RALGAPA2: variants seen among roughly 807,000 people sequenced by gnomAD.
RALGAPA2 encodes the protein Ral GTPase activating protein catalytic subunit alpha 2, also known as ral GTPase-activating protein subunit alpha-2.
In RALGAPA2, 139 loss-of-function variants were observed where a neutral mutation model predicts 230.4. That is an observed-to-expected ratio of 0.60 (90% confidence interval 0.53 to 0.69). The LOEUF (loss-of-function observed/expected upper bound fraction) is 0.69, where lower values mean the gene tolerates loss of function less well. Among genes scored for constraint, RALGAPA2 ranks in the 30% least tolerant of loss-of-function variants. The pLI is 0.00. For synonymous variants in RALGAPA2, 847 were observed against 837.8 expected (o/e 1.01, Z -0.19); for missense variants, 2,163 against 2,276.0 (o/e 0.95, Z 1.01).
At chr20:20,417,624 C>A (rs1461342497) in intron 37 of RALGAPA2, among the ~76,000 whole-genome samples, 1 of 152,212 alleles carries the variant, frequency 6.6e-6, no homozygotes, top group Non-Finnish European at 1.5e-5. Context: ...GGAACTGGGA[C>A]ACAGACATAT....
At chr20:20,440,528 C>T (rs1032277135) in intron 37 of RALGAPA2, among the ~76,000 whole-genome samples, 8 of 152,310 alleles carry the variant, frequency 5.3e-5, no homozygotes, top group African/African-American at 1.4e-4. Context: ...ATCCTAATTG[C>T]GCAGACAGCA....
intron 1 of RALGAPA2, among the ~76,000 whole-genome samples, chr20:20,692,865 C>T (rs564914510): frequency 6.6e-6 from 1 of 152,300 alleles, no homozygotes; most frequent in Admixed American, 6.5e-5. Context: ...TGGGGCCTCC[C>T]TGCCTTGGGA....
rs1602690056 is a variant in RALGAPA2 at position 20,535,936 on chromosome 20, G to A, written c.3415-133C>T. The A allele has an allele frequency of 1.0e-5, 14 of 1,353,576 alleles. No homozygotes were observed. In the East Asian group the frequency reaches 3.9e-4, roughly 37 times the overall value. 83.8% of individuals were successfully genotyped at this position (1,353,576 alleles called of 1,614,324 possible). A position where few individuals can be genotyped will look rare whatever the true frequency, so the allele number is the denominator to read the frequency against. ...GCTCAGAGAGCTCATCTATGAGTGA[G>A]AGCCTGGGGGGAAGAAGAACACTGG... On this transcript the variant is annotated intron_variant, in intron 25 of 39. Coordinates refer to ENST00000202677, the MANE Select transcript of RALGAPA2 (RefSeq NM_020343.4).
At chr20:20,676,187 T>C (rs1377299435) in intron 3 of RALGAPA2, 49 bp downstream of exon 3, 8 of 1,239,320 alleles carry the variant, frequency 6.5e-6, no homozygotes, top group Non-Finnish European at 8.9e-6. Flanking sequence ...CAAAAATACT[T>C]TATTTCCAAC....
intron 35 of RALGAPA2, among the ~76,000 whole-genome samples, chr20:20,500,323 T>C (rs561413469): frequency 2.6e-5 from 4 of 152,342 alleles, no homozygotes; most frequent in South Asian, 2.1e-4. Context: ...TCTTTTGAAA[T>C]TGGAGTAATA....
intron 33 of RALGAPA2, among the ~76,000 whole-genome samples, chr20:20,510,476 A>G (rs2062669945): frequency 6.6e-6 from 1 of 152,164 alleles, no homozygotes; most frequent in Non-Finnish European, 1.5e-5. Context: ...TGAATTTTTA[A>G]TTTGAGAGCT....
At chr20:20,397,000 T>C (rs561623401) in intron 38 of RALGAPA2, among the ~76,000 whole-genome samples, 1 of 152,348 alleles carries the variant, frequency 6.6e-6, no homozygotes, top group South Asian at 2.1e-4. Context: ...TCAGGATCTA[T>C]GCATGCAGAC....
At chr20:20,515,513 C>T (rs953420522) in intron 31 of RALGAPA2, among the ~76,000 whole-genome samples, 1 of 152,162 alleles carries the variant, frequency 6.6e-6, no homozygotes, top group African/African-American at 2.4e-5. Flanking sequence ...GAGTGTCAGT[C>T]GGGGGAGACT....
intron 35 of RALGAPA2, among the ~76,000 whole-genome samples, chr20:20,497,981 CT>C (rs1207210408): frequency 6.6e-6 from 1 of 152,192 alleles, no homozygotes; most frequent in Non-Finnish European, 1.5e-5. Flanking sequence ...CAAAATATGC[CT>C]TCTTTTGCCT....
At chr20:20,403,468 G>T (rs1028247398) in intron 38 of RALGAPA2, among the ~76,000 whole-genome samples, 1 of 152,128 alleles carries the variant, frequency 6.6e-6, no homozygotes, top group African/African-American at 2.4e-5. Context: ...CTAGCTTTGG[G>T]TAAGTGGGAG....
chr20:20,630,542 G>A (rs2066638445), intron 9 of RALGAPA2, among the ~76,000 whole-genome samples: 1 of 152,182 alleles, frequency 6.6e-6, no homozygotes, highest in South Asian at 2.1e-4. Flanking sequence ...TACTAAGCCT[G>A]TGTGGCTTAT....
intron 34 of RALGAPA2, among the ~76,000 whole-genome samples, chr20:20,503,841 T>C (rs2062451617): frequency 6.6e-6 from 1 of 152,160 alleles, no homozygotes; most frequent in South Asian, 2.1e-4. Flanking sequence ...TTGATGGATT[T>C]TGGGGGTTTC....
chr20:20,667,977 T>C (rs2068014505), intron 3 of RALGAPA2, among the ~76,000 whole-genome samples: 1 of 152,130 alleles, frequency 6.6e-6, no homozygotes, highest in African/African-American at 2.4e-5. Context: ...ACTCTGGTAA[T>C]AAGAAGAAGC....
intron 31 of RALGAPA2, among the ~76,000 whole-genome samples, chr20:20,513,956 A>G (rs1210866501): frequency 2.0e-5 from 3 of 152,216 alleles, no homozygotes; most frequent in African/African-American, 7.2e-5. Context: ...TTGGCAACAC[A>G]GAATCAGTCT....
intron 34 of RALGAPA2, among the ~76,000 whole-genome samples, 176 bp from the exon 35 acceptor site, chr20:20,503,682 A>C (rs1169664710): frequency 1.3e-5 from 2 of 152,260 alleles, no homozygotes; most frequent in African/African-American, 4.8e-5. Context: ...GAAATAAAAA[A>C]CATTAAAAAT....
intron 23 of RALGAPA2, among the ~76,000 whole-genome samples, chr20:20,554,114 C>T (rs745950109): frequency 2.5e-4 from 38 of 152,106 alleles, no homozygotes; most frequent in Non-Finnish European, 4.6e-4. Flanking sequence ...ATTTTCATTA[C>T]CTCAAAATGA....
chr20:20,431,093 T>C (rs2060492657), intron 37 of RALGAPA2, among the ~76,000 whole-genome samples: 1 of 152,098 alleles, frequency 6.6e-6, no homozygotes, highest in Non-Finnish European at 1.5e-5. Flanking sequence ...CGAGTCCCCC[T>C]GAAGCGTAGC....
intron 1 of RALGAPA2, among the ~76,000 whole-genome samples, chr20:20,689,025 T>A (rs1012343100): frequency 3.3e-5 from 5 of 152,220 alleles, no homozygotes; most frequent in African/African-American, 1.2e-4. Flanking sequence ...TGTATGTTCA[T>A]CCCTTAAGTT....
intron 37 of RALGAPA2, among the ~76,000 whole-genome samples, chr20:20,441,534 G>A (rs931703925): frequency 1.3e-5 from 2 of 152,334 alleles, no homozygotes; most frequent in Non-Finnish European, 1.5e-5. Context: ...CCTCCCTTCA[G>A]TCGTCAGTCA....
Sources: allele counts gnomAD v4.1 joint callset (sites outside exome capture counted in the v4.1 genomes callset), GRCh38; gene constraint gnomAD v4.1.1; transcripts MANE v1.5; gene names NCBI Gene and HGNC (gene_info 2026-07-23, HGNC 2026-07-21).